Variants in C1QTNF3 observed in about 807,000 individuals in gnomAD.
C1QTNF3 encodes the protein complement C1q tumor necrosis factor-related protein 3.
Under a neutral mutation model 32.6 loss-of-function variants are expected in C1QTNF3, and 26 were observed. That is an observed-to-expected ratio of 0.80 (90% confidence interval 0.58 to 1.11). C1QTNF3 has a LOEUF of 1.11. C1QTNF3 is among the 50% of genes least tolerant of loss of function. The pLI, the probability that C1QTNF3 is intolerant of heterozygous loss-of-function variation, is 0.00. For missense variants in C1QTNF3, 362 were observed against 398.2 expected, an observed-to-expected ratio of 0.91 and a Z score of 0.77; for synonymous variants, 155 against 146.0, an observed-to-expected ratio of 1.06 and a Z score of -0.44.
the C1QTNF3 span, among the ~76,000 whole-genome samples, chr5:34,074,320 AG>A: frequency 6.6e-6 from 1 of 151,798 alleles, no homozygotes; most frequent in South Asian, 2.1e-4. Context: ...ACATCAGACA[AG>A]GCCATTGTGG....
At chr5:34,135,533 T>C in the C1QTNF3 span, among the ~76,000 whole-genome samples, 1 of 152,182 alleles carries the variant, frequency 6.6e-6, no homozygotes, top group African/African-American at 2.4e-5. Context: ...AATTCAGCTG[T>C]GAATCTGTCT....
At chr5:34,057,382 G>A in the C1QTNF3 span, among the ~76,000 whole-genome samples, 1 of 152,156 alleles carries the variant, frequency 6.6e-6, no homozygotes, top group Non-Finnish European at 1.5e-5. Context: ...GTCAAGCAGA[G>A]AAGGGTGACT....
intron 1 of C1QTNF3, 48 bp downstream of exon 1, chr5:34,042,775 A>C (rs775222105): frequency 1.6e-5 from 25 of 1,527,160 alleles, no homozygotes; most frequent in Middle Eastern, 2.0e-4. Context: ...AACAACAACA[A>C]CACTCATTAA....
the C1QTNF3 span, among the ~76,000 whole-genome samples, chr5:34,236,200 T>C: frequency 2.0e-5 from 3 of 152,214 alleles, no homozygotes; most frequent in Non-Finnish European, 2.9e-5. Context: ...ATAGTTTATG[T>C]ATCTATCAAA....
chr5:34,219,583 A>C, the C1QTNF3 span, among the ~76,000 whole-genome samples: 1 of 151,998 alleles, frequency 6.6e-6, no homozygotes, highest in Non-Finnish European at 1.5e-5. Context: ...AAAAAAAAAA[A>C]CCGCTTTGAA....
At chr5:34,128,105 T>G in the C1QTNF3 span, among the ~76,000 whole-genome samples, 1 of 152,160 alleles carries the variant, frequency 6.6e-6, no homozygotes, top group Non-Finnish European at 1.5e-5. Flanking sequence ...CCTTGGGACG[T>G]GAAGACCTGT....
chr5:34,114,195 C>T, the C1QTNF3 span, among the ~76,000 whole-genome samples: 2 of 152,022 alleles, frequency 1.3e-5, no homozygotes, highest in Non-Finnish European at 2.9e-5. Flanking sequence ...TACACTGTAC[C>T]GTCTGCTTAA....
chr5:34,072,100 T>G, the C1QTNF3 span, among the ~76,000 whole-genome samples: 1 of 152,216 alleles, frequency 6.6e-6, no homozygotes, highest in South Asian at 2.1e-4. Context: ...TTACTCAGTT[T>G]CCATTTTTAA....
chr5:34,236,948 T>C, the C1QTNF3 span, among the ~76,000 whole-genome samples: 2 of 152,268 alleles, frequency 1.3e-5, no homozygotes, highest in South Asian at 2.1e-4. Context: ...ATTTGAAAAG[T>C]AGTATTCAAT....
At chr5:34,064,931 T>G in the C1QTNF3 span, among the ~76,000 whole-genome samples, 2 of 150,436 alleles carry the variant, frequency 1.3e-5, no homozygotes, top group Non-Finnish European at 2.9e-5. Context: ...GATTTAAGTG[T>G]AAGACTCCAA....
At chr5:34,131,946 TTAAA>T in the C1QTNF3 span, among the ~76,000 whole-genome samples, 1 of 152,110 alleles carries the variant, frequency 6.6e-6, no homozygotes. Flanking sequence ...ATACAAAACA[TTAAA>T]TAACGGTGAT....
chr5:34,148,136 C>T, the C1QTNF3 span, among the ~76,000 whole-genome samples: 9 of 149,976 alleles, frequency 6.0e-5, no homozygotes, highest in South Asian at 1.3e-3. Context: ...CCGAATATTG[C>T]GCTTTTCAGA....
rs112568510 is a variant in C1QTNF3, at chr5:34,030,922, G to C, written c.571-2039C>G. 1.1e-3 allele frequency among the ~76,000 whole-genome samples: 165 copies of C among 152,240 alleles called. 4 individuals carry two copies. Among genetic ancestry groups the C allele is most frequent in the Middle Eastern group, 3.4e-3 (1 of 294 alleles). ...ATATAGAGGGGAACAACACACACTG[G>C]GGCCTATGGGAGGATGGAAGGTGGG... On this transcript the variant is annotated intron_variant, in intron 3 of 5. Coordinates refer to ENST00000382065, the MANE Select transcript of C1QTNF3 (RefSeq NM_181435.6).
the C1QTNF3 span, among the ~76,000 whole-genome samples, chr5:34,128,703 T>A: frequency 6.6e-6 from 1 of 152,298 alleles, no homozygotes; most frequent in East Asian, 1.9e-4. Context: ...AGCCCCTTTG[T>A]TTTGACCAAT....
chr5:34,160,437 C>T, the C1QTNF3 span, among the ~76,000 whole-genome samples: 1 of 152,048 alleles, frequency 6.6e-6, no homozygotes. Context: ...TATAATTTGC[C>T]CAATTCTCTG....
the C1QTNF3 span, among the ~76,000 whole-genome samples, chr5:34,133,617 G>C: frequency 6.6e-6 from 1 of 152,202 alleles, no homozygotes; most frequent in Admixed American, 6.5e-5. Flanking sequence ...TTACTAAAAG[G>C]AAACGAAGAG....
chr5:34,176,283 T>A, the C1QTNF3 span, among the ~76,000 whole-genome samples: 1 of 148,880 alleles, frequency 6.7e-6, no homozygotes, highest in Non-Finnish European at 1.5e-5. Context: ...GGGATAGCAT[T>A]GGGAGATATA....
chr5:34,218,079 C>T, the C1QTNF3 span, among the ~76,000 whole-genome samples: 1 of 150,452 alleles, frequency 6.6e-6, no homozygotes, highest in South Asian at 2.1e-4. Flanking sequence ...AACATAAAGA[C>T]AAACCAATCA....
chr5:34,141,381 G>A, the C1QTNF3 span, among the ~76,000 whole-genome samples: 2 of 152,174 alleles, frequency 1.3e-5, no homozygotes, highest in African/African-American at 4.8e-5. Flanking sequence ...GCCTCCCAAA[G>A]TGCCAGGATT....
Sources: allele counts gnomAD v4.1 joint callset (sites outside exome capture counted in the v4.1 genomes callset), GRCh38; gene constraint gnomAD v4.1.1; transcripts MANE v1.5; gene names NCBI Gene and HGNC (gene_info 2026-07-23, HGNC 2026-07-21).